The following PARD3B variants were observed in gnomAD, a reference collection of about 807,000 sequenced individuals.
The protein encoded by PARD3B is partitioning defective 3 homolog B.
In PARD3B, 103 loss-of-function variants were observed where a neutral mutation model predicts 130.2. That is an observed-to-expected ratio of 0.79 (90% CI 0.67 to 0.93). PARD3B has a LOEUF of 0.93. PARD3B is among the 40% of genes least tolerant of loss of function. The probability of loss-of-function intolerance (pLI) is 0.00; values close to 1 mark genes in which losing one functional copy is unlikely to be tolerated. For missense variants in PARD3B, 1,609 were observed against 1,499.2 expected, an observed-to-expected ratio of 1.07 and a Z score of -1.21; for synonymous variants, 583 against 553.2, an observed-to-expected ratio of 1.05 and a Z score of -0.76.
intron 2 of PARD3B, among the ~76,000 whole-genome samples, chr2:204,789,247 A>T (rs1428778543): frequency 6.6e-6 from 1 of 152,202 alleles, no homozygotes; most frequent in African/African-American, 2.4e-5. Context: ...AATTTTTCAT[A>T]GAGATGGGGT....
At chr2:204,748,714 T>G (rs1160025639) in intron 2 of PARD3B, among the ~76,000 whole-genome samples, 1 of 152,152 alleles carries the variant, frequency 6.6e-6, no homozygotes, top group African/African-American at 2.4e-5. Context: ...AGTTCCTAAC[T>G]GATATTGATG....
At chr2:205,522,143 ATTATTTTTACAT>A (rs1300389092) in intron 21 of PARD3B, among the ~76,000 whole-genome samples, 9 of 150,578 alleles carry the variant, frequency 6.0e-5, no homozygotes, top group African/African-American at 1.5e-4. Context: ...TTTTTACTTC[ATTATTTTTACAT>A]TTATTTTTAC....
intron 16 of PARD3B, among the ~76,000 whole-genome samples, chr2:205,290,207 A>G (rs1334078030): frequency 6.6e-6 from 1 of 152,230 alleles, no homozygotes; most frequent in African/African-American, 2.4e-5. Flanking sequence ...GGGGACTTGT[A>G]TTCCCCTGAG....
rs775620847 is a variant in PARD3B at position 205,265,192 on chromosome 2, A to G, written c.2185+19370A>G. 1.4e-4 allele frequency among the ~76,000 whole-genome samples: 22 copies of G among 151,990 alleles called. No individual in the cohort carries two copies. The highest frequency in any genetic ancestry group is 2.9e-4 in the Non-Finnish European group (20 of 67,908). On this transcript the variant is annotated intron_variant, in intron 16 of 22. Transcript: ENST00000406610. The surrounding 1 kb of genome is among the most constrained non-coding windows in gnomAD (Gnocchi z 4.3). ...TGGTGTGAACATAGAGTTTCATCAC[A>G]TTATTGTGTGTAAGATATATTTACA...
intron 1 of PARD3B, among the ~76,000 whole-genome samples, chr2:204,605,747 G>A (rs1048762115): frequency 2.6e-5 from 4 of 152,128 alleles, no homozygotes; most frequent in African/African-American, 7.2e-5. Context: ...CCACCTCAGT[G>A]GGTGATTATA....
At chr2:204,922,707 G>A (rs2125755119) in intron 2 of PARD3B, among the ~76,000 whole-genome samples, 1 of 151,894 alleles carries the variant, frequency 6.6e-6, no homozygotes, top group Non-Finnish European at 1.5e-5. Flanking sequence ...TTTAAAATAG[G>A]ACATACCTTC....
At chr2:204,916,549 A>C (rs1022146002) in intron 2 of PARD3B, among the ~76,000 whole-genome samples, 1 of 152,196 alleles carries the variant, frequency 6.6e-6, no homozygotes, top group African/African-American at 2.4e-5. Context: ...CATTTTTTAC[A>C]TGAGTGCAAT....
chr2:205,320,439 T>G (rs968803822), intron 18 of PARD3B, among the ~76,000 whole-genome samples: 4 of 152,220 alleles, frequency 2.6e-5, no homozygotes, highest in African/African-American at 9.6e-5. Flanking sequence ...TGTTAAACTC[T>G]AAATCTAACT....
At chr2:205,527,416 G>T (rs889264954) in intron 21 of PARD3B, among the ~76,000 whole-genome samples, 1 of 152,128 alleles carries the variant, frequency 6.6e-6, no homozygotes, top group Non-Finnish European at 1.5e-5. Flanking sequence ...AGAGAAAAGA[G>T]CTTAGCTCTT....
At chr2:205,436,918 T>TA (rs1378518442) in intron 19 of PARD3B, among the ~76,000 whole-genome samples, 1 of 151,996 alleles carries the variant, frequency 6.6e-6, no homozygotes, top group African/African-American at 2.4e-5. Context: ...TTTTTTTTTT[T>TA]AAGGTGGGAG....
chr2:204,745,268 C>G (rs1357872356), intron 2 of PARD3B, among the ~76,000 whole-genome samples: 1 of 152,100 alleles, frequency 6.6e-6, no homozygotes, highest in African/African-American at 2.4e-5. Context: ...TTTTGCGGCT[C>G]TTCAATCGGC....
chr2:205,103,572 T>C, intron 4 of PARD3B: 1 of 281,414 alleles, frequency 3.6e-6, no homozygotes, highest in Non-Finnish European at 5.4e-6. Flanking sequence ...TGATAATGGG[T>C]CTTTCTATAT....
At chr2:204,615,439 C>A (rs1211150761) in intron 1 of PARD3B, among the ~76,000 whole-genome samples, 1 of 152,158 alleles carries the variant, frequency 6.6e-6, no homozygotes, top group Admixed American at 6.6e-5. Flanking sequence ...CTGACTTATG[C>A]TAATCTTCCA....
intron 1 of PARD3B, among the ~76,000 whole-genome samples, chr2:204,551,197 A>G (rs2030432275): frequency 2.0e-5 from 3 of 152,130 alleles, no homozygotes; most frequent in Non-Finnish European, 4.4e-5. Flanking sequence ...GCTCAGTGTT[A>G]TATTTTGACT....
At chr2:205,188,579 A>G (rs2036220978) in intron 14 of PARD3B, among the ~76,000 whole-genome samples, 1 of 152,168 alleles carries the variant, frequency 6.6e-6, no homozygotes, top group Admixed American at 6.5e-5. Context: ...AAGGGCAGAG[A>G]TATTTTAAAA....
chr2:205,399,393 C>A (rs191572734), intron 18 of PARD3B, among the ~76,000 whole-genome samples: 1 of 152,128 alleles, frequency 6.6e-6, no homozygotes, highest in East Asian at 1.9e-4. Context: ...ATCACTATGT[C>A]ACCCAGGCTG....
intron 2 of PARD3B, among the ~76,000 whole-genome samples, chr2:204,740,287 G>A (rs1465507790): frequency 6.6e-6 from 1 of 152,030 alleles, no homozygotes; most frequent in Non-Finnish European, 1.5e-5. Context: ...CTCCCAAAGG[G>A]CTGGAATTAC....
chr2:204,752,772 G>T (rs1195384042), intron 2 of PARD3B, among the ~76,000 whole-genome samples: 2 of 152,070 alleles, frequency 1.3e-5, no homozygotes, highest in African/African-American at 4.8e-5. Context: ...CCCATTCCCT[G>T]TTAACATCTT....
intron 2 of PARD3B, among the ~76,000 whole-genome samples, chr2:204,859,539 C>T (rs2045100151): frequency 6.6e-6 from 1 of 152,160 alleles, no homozygotes; most frequent in Non-Finnish European, 1.5e-5. Flanking sequence ...AAAATATGTA[C>T]ATTTTCTGAC....
Sources: gnomAD v4.1 joint callset for allele counts (sites outside exome capture counted in the v4.1 genomes callset) on GRCh38, gnomAD v4.1.1 for gene constraint, Gnocchi (gnomAD v3.1) non-coding constraint, MANE v1.5 for transcripts, NCBI Gene and HGNC (gene_info 2026-07-23, HGNC 2026-07-21) for gene names.